The following RIT2 variants were observed in gnomAD, a reference collection of about 807,000 sequenced individuals.
The protein encoded by RIT2 is GTP-binding protein Rit2.
A neutral mutation model predicts 23.7 loss-of-function variants in RIT2; 24 were observed. The observed-to-expected ratio is 1.01, with a 90% CI of 0.73 to 1.43. The LOEUF is 1.43. RIT2 is among the 40% of genes most tolerant of loss of function. The pLI is 0.00. For missense variants in RIT2, 236 were observed against 266.9 expected, an observed-to-expected ratio of 0.88 and a Z score of 0.81; for synonymous variants, 107 against 91.1, an observed-to-expected ratio of 1.17 and a Z score of -0.99.
chr18:43,039,596 C>A (rs188140338), intron 1 of RIT2, among the ~76,000 whole-genome samples: 1 of 152,250 alleles, frequency 6.6e-6, no homozygotes, highest in East Asian at 1.9e-4. Flanking sequence ...GATCCACCCT[C>A]CTTGGCCTCC....
chr18:42,822,919 G>T (rs766899028), intron 4 of RIT2, among the ~76,000 whole-genome samples: 16 of 152,256 alleles, frequency 1.1e-4, no homozygotes, highest in Non-Finnish European at 1.6e-4. Context: ...GGCAACGAAG[G>T]CGTTTGCCCT....
chr18:43,028,709 G>C (rs1464745081), intron 2 of RIT2, among the ~76,000 whole-genome samples: 3 of 151,808 alleles, frequency 2.0e-5, no homozygotes, highest in Admixed American at 2.0e-4. Flanking sequence ...TTTCCCTGTA[G>C]ACCATGGCTC....
chr18:43,114,245 T>C (rs1050411375), intron 1 of RIT2, among the ~76,000 whole-genome samples: 2 of 152,200 alleles, frequency 1.3e-5, no homozygotes, highest in African/African-American at 4.8e-5. Context: ...TTATTTTTTA[T>C]GAGAATTCTC....
chr18:43,089,688 G>A (rs1320176126), intron 1 of RIT2, among the ~76,000 whole-genome samples: 1 of 151,984 alleles, frequency 6.6e-6, no homozygotes, highest in African/African-American at 2.4e-5. Context: ...TACAAAAGCA[G>A]ACACATAGAC....
chr18:42,807,742 C>G (rs1598662190), intron 4 of RIT2, among the ~76,000 whole-genome samples: 1 of 152,178 alleles, frequency 6.6e-6, no homozygotes, highest in East Asian at 1.9e-4. Context: ...GAACCCTTGT[C>G]CCTTAGAAGC....
At chr18:42,857,867 A>G (rs961461267) in intron 4 of RIT2, among the ~76,000 whole-genome samples, 6 of 152,146 alleles carry the variant, frequency 3.9e-5, no homozygotes, top group Non-Finnish European at 8.8e-5. Flanking sequence ...GGCTACATAG[A>G]TAAGACCAAA....
intron 3 of RIT2, among the ~76,000 whole-genome samples, chr18:42,945,835 TAAC>T (rs1257481294): frequency 6.6e-6 from 1 of 152,034 alleles, no homozygotes; most frequent in Non-Finnish European, 1.5e-5. Flanking sequence ...TATCAACAAA[TAAC>T]AAAAAATACT....
At chr18:42,986,845 T>C (rs2144221627) in intron 2 of RIT2, among the ~76,000 whole-genome samples, 1 of 152,152 alleles carries the variant, frequency 6.6e-6, no homozygotes, top group South Asian at 2.1e-4. Flanking sequence ...AATTATTATT[T>C]TAGTAAATAA....
chr18:42,826,609 G>C (rs1193701471), intron 4 of RIT2, among the ~76,000 whole-genome samples: 1 of 151,816 alleles, frequency 6.6e-6, no homozygotes, highest in Non-Finnish European at 1.5e-5. Flanking sequence ...CCATCCCGTA[G>C]GTTGACATTA....
chr18:42,879,799 A>T (rs1298477630), intron 4 of RIT2, among the ~76,000 whole-genome samples: 1 of 152,180 alleles, frequency 6.6e-6, no homozygotes, highest in Non-Finnish European at 1.5e-5. Context: ...CAAAGTTAAT[A>T]AACTCTAAGT....
At chr18:43,053,978 A>C (rs996261943) in intron 1 of RIT2, among the ~76,000 whole-genome samples, 1 of 152,080 alleles carries the variant, frequency 6.6e-6, no homozygotes, top group Non-Finnish European at 1.5e-5. Flanking sequence ...ATCAGTTTCT[A>C]TCATTACCTC....
chr18:42,915,944 AT>A (rs1034588010), intron 4 of RIT2, among the ~76,000 whole-genome samples: 25 of 151,818 alleles, frequency 1.6e-4, no homozygotes, highest in African/African-American at 5.5e-4. Flanking sequence ...GTGTATATAT[AT>A]TTTTTTCTTT....
intron 3 of RIT2, among the ~76,000 whole-genome samples, chr18:42,924,569 A>G (rs1268346214): frequency 2.6e-5 from 4 of 152,210 alleles, no homozygotes; most frequent in Middle Eastern, 3.4e-3. Context: ...TGTTAAAATG[A>G]CAATGGCTAA....
At chr18:42,851,828 G>C (rs1907061652) in intron 4 of RIT2, among the ~76,000 whole-genome samples, 1 of 152,100 alleles carries the variant, frequency 6.6e-6, no homozygotes, top group Admixed American at 6.6e-5. Context: ...GACAGACCAA[G>C]ACTCTGTCTC....
chr18:42,918,531 T>C (rs1908971679), intron 4 of RIT2, among the ~76,000 whole-genome samples: 1 of 152,128 alleles, frequency 6.6e-6, no homozygotes, highest in African/African-American at 2.4e-5. Context: ...GGAAAATATG[T>C]TTATATAAAT....
chr18:42,915,201 C>T (rs1908876300), intron 4 of RIT2, among the ~76,000 whole-genome samples: 2 of 150,852 alleles, frequency 1.3e-5, no homozygotes, highest in African/African-American at 2.4e-5. Flanking sequence ...ACTTGATTAT[C>T]GAGTACAGCC....
chr18:42,874,606 G>A (rs1907699166), intron 4 of RIT2, among the ~76,000 whole-genome samples: 1 of 152,064 alleles, frequency 6.6e-6, no homozygotes, highest in South Asian at 2.1e-4. Context: ...GTGTTTCCCA[G>A]CTGTGCACTG....
intron 2 of RIT2, among the ~76,000 whole-genome samples, chr18:42,981,883 A>G (rs1162627030): frequency 6.6e-6 from 1 of 152,170 alleles, no homozygotes; most frequent in East Asian, 1.9e-4. Flanking sequence ...ATAAAGAAAT[A>G]GGTCAAAAAG....
chr18:42,977,185 T>C (rs1474425501), intron 2 of RIT2, among the ~76,000 whole-genome samples: 1 of 152,050 alleles, frequency 6.6e-6, no homozygotes, highest in East Asian at 1.9e-4. Flanking sequence ...TTCATTGTAT[T>C]CATTTATGGT....
Sources: gnomAD v4.1 joint callset for allele counts (sites outside exome capture counted in the v4.1 genomes callset) on GRCh38, gnomAD v4.1.1 for gene constraint, MANE v1.5 for transcripts, NCBI Gene and HGNC (gene_info 2026-07-23, HGNC 2026-07-21) for gene names.